Variants in KIF21B observed in about 807,000 individuals in gnomAD.
KIF21B encodes the protein kinesin-like protein KIF21B.
KIF21B carries 85 observed loss-of-function variants against 192.9 expected under a neutral mutation model. That is an observed-to-expected ratio of 0.44 (90% CI 0.37 to 0.53). The LOEUF (loss-of-function observed/expected upper bound fraction) is 0.53. KIF21B is among the 20% of genes least tolerant of loss of function. The pLI is 0.00. For missense variants in KIF21B, 1,716 were observed against 2,194.8 expected (o/e 0.78, Z 4.36); for synonymous variants, 832 against 884.6 (o/e 0.94, Z 1.05).
intron 34 of KIF21B, among the ~76,000 whole-genome samples, 193 bp downstream of exon 34, chr1:200,974,521 G>A (rs555822497): frequency 7.6e-4 from 116 of 152,072 alleles, no homozygotes; most frequent in Non-Finnish European, 1.4e-3. Flanking sequence ...CCTGCCTAGC[G>A]CAGTGCCCAG....
intron 1 of KIF21B, among the ~76,000 whole-genome samples, chr1:201,011,581 A>G (rs1364015312): frequency 6.6e-6 from 1 of 152,368 alleles, no homozygotes; most frequent in East Asian, 1.9e-4. Context: ...GAGCAACCTT[A>G]GAAGGAGGAG....
At position 200,979,819 on chromosome 1, in the gene KIF21B, A is replaced by G. The variant is rs925269989; in HGVS notation, c.3980-104T>C. ...TGCCCAGGATAGGGGAAAGGGATCC[A>G]CAGGGCTCCAGAGGACGGAGCTCCA... On this transcript the variant is annotated intron_variant, in intron 29 of 34. Transcript: ENST00000461742. 2.6e-5 allele frequency: 24 copies of G among 932,808 alleles called. No individual in the cohort carries two copies. The East Asian group carries it at 4.7e-4, about 18-fold the overall frequency. The allele number at this position is 932,808 out of a possible 1,614,324, so 57.8% of individuals were successfully genotyped here.
Position 200,996,230 on chromosome 1 carries a change from A to T in KIF21B, c.2243T>A (p.Leu748Gln), listed in dbSNP as rs1435209966. The change falls in exon 15 of 35, where the codon CTA becomes CAA. Residue 748 changes from leucine (L) to glutamine (Q), a missense_variant. Physicochemically the swap from Leu to Gln is moderately radical, Grantham distance 113. Coordinates refer to ENST00000461742, the MANE Select transcript of KIF21B (RefSeq NM_001252102.2). ...CTTCATCTCAGCCACCTCGGCCTGT[A>T]GCTTCTTCAGCTCCCTCTCGTAGCG... Reference protein sequence around the residue: ...QSRYERELKKLQAEVAEMKKA... With the variant: ...QSRYERELKKQQAEVAEMKKA... The T allele has an allele frequency of 1.9e-6, 3 of 1,613,576 alleles. No individual in the cohort carries two copies. Among genetic ancestry groups the T allele is most frequent in the Non-Finnish European group, 1.7e-6 (2 of 1,180,032 alleles).
At chr1:200,980,898 CAAAG>C in intron 29 of KIF21B, 58 bp downstream of exon 29, 1 of 1,570,718 alleles carries the variant, frequency 6.4e-7, no homozygotes, top group Non-Finnish European at 8.6e-7. Context: ...ACCACTCTGA[CAAAG>C]GAAGCAGGGG....
In KIF21B at chr1:201,000,372, G is replaced by C. The variant is rs1271569107; in HGVS notation, c.1685+18C>G. ...GCGGTCTGAGGGCTCTCAGGGGCGG[G>C]GACGACACTCCACTCACCTCTTCCT... On this transcript the variant is annotated intron_variant, in intron 11 of 34. Transcript: ENST00000461742. This position sits in a 1 kb window ranked among gnomAD's most constrained non-coding sequence, Gnocchi z 6.0. 2.6e-6 allele frequency: 4 copies of C among 1,538,852 alleles called. No individual in the cohort carries two copies. The South Asian group carries it at 5.0e-5, about 19-fold the overall frequency.
At position 200,990,284 on chromosome 1, in the gene KIF21B, C is replaced by T; in HGVS notation, c.2884G>A (p.Glu962Lys). The change falls in exon 20 of 35, where the codon GAG (glutamate) becomes AAG (lysine). Residue 962 changes from glutamate (E) to lysine (K), a missense_variant. This residue lies in a region of KIF21B where 1,087 missense variants were observed against 1,316.6 expected (regional missense o/e 0.83). Coordinates refer to ENST00000461742, the MANE Select transcript of KIF21B (RefSeq NM_001252102.2). This position sits in a 1 kb window ranked among gnomAD's most constrained non-coding sequence, Gnocchi z 5.4. ...TCGGGGCTCTCAGCCTGCAGCCGCT[C>T]CCGCTTCCTCCGCAGTGCCTCCTGC... ...LLQEALRRKR[E>K]RLQAESPEEE... The T allele has an allele frequency of 6.2e-7, 1 of 1,613,644 alleles. No individual in the cohort carries two copies. Among genetic ancestry groups the T allele is most frequent in the Non-Finnish European group, 8.5e-7 (1 of 1,179,898 alleles).
In KIF21B at chr1:201,000,758, A is replaced by G; in HGVS notation, c.1425T>C (p.Gly475=). The change falls in exon 10 of 35, where the codon GGT becomes GGC. Residue 475 remains glycine (G), a synonymous_variant. Coordinates refer to ENST00000461742, the MANE Select transcript of KIF21B (RefSeq NM_001252102.2). The surrounding 1 kb of genome is among the most constrained non-coding windows in gnomAD (Gnocchi z 6.0). The stretch of plus-strand genomic sequence containing the variant: ...CCCGGATGTAGTTCTGGATCAGCGC[A>G]CCAATGGCCTCATTGCCATCGCCTG... ...AKAGDGNEAI[G]ALIQNYIREI... 1.2e-6 allele frequency: 2 copies of G among 1,614,214 alleles called. No homozygotes were observed. The highest frequency in any genetic ancestry group is 1.7e-6 in the Non-Finnish European group (2 of 1,180,018).
At chr1:201,021,742 C>T (rs146051108) in intron 1 of KIF21B, among the ~76,000 whole-genome samples, 13 of 152,254 alleles carry the variant, frequency 8.5e-5, no homozygotes, top group African/African-American at 2.6e-4. Context: ...TAAAGGAAAC[C>T]CCCTGTGGAA....
chr1:200,978,346 G>T (rs1201119919), intron 30 of KIF21B, among the ~76,000 whole-genome samples: 1 of 152,016 alleles, frequency 6.6e-6, no homozygotes, highest in Non-Finnish European at 1.5e-5. Context: ...ACTGCGCCCA[G>T]CCTTGTTTAC....
chr1:201,013,655 G>A (rs1198300385), intron 1 of KIF21B, among the ~76,000 whole-genome samples: 1 of 152,174 alleles, frequency 6.6e-6, no homozygotes, highest in Admixed American at 6.5e-5. Flanking sequence ...ACTGCATGTG[G>A]CCTCTAGGGT....
Position 200,991,008 on chromosome 1 carries a change from C to T in KIF21B, c.2596G>A (p.Val866Ile), listed in dbSNP as rs1479866453. The part of the protein sequence containing the change: ...SSEAESGARS[V>I]SSIVRQWNRK... ...TTCCACTGGCGCACGATGCTGGAGA[C>T]AGAGCGGGCCCCTGATTCAGCCTCA... Residue 866 changes from valine (V) to isoleucine (I), a missense_variant, in exon 18 of 35, where the codon GTC becomes ATC. This residue lies in a region of KIF21B where 1,087 missense variants were observed against 1,316.6 expected (regional missense o/e 0.83). Coordinates refer to ENST00000461742, the MANE Select transcript of KIF21B (RefSeq NM_001252102.2). 3 of 1,614,078 alleles carry T rather than the reference C, an allele frequency of 1.9e-6. No individual in the cohort carries two copies. Among genetic ancestry groups the T allele is most frequent in the African/African-American group, 1.3e-5 (1 of 74,946 alleles).
At chr1:201,012,094 G>A (rs1434025428) in intron 1 of KIF21B, among the ~76,000 whole-genome samples, 1 of 152,222 alleles carries the variant, frequency 6.6e-6, no homozygotes, top group Non-Finnish European at 1.5e-5. Flanking sequence ...TCCAGGAGTT[G>A]CGTGGTCAGT....
chr1:200,990,645 C>A lies in KIF21B; in HGVS notation c.2766G>T (p.Arg922=). ...TTCTCTGCATGACGATGTCAATGAT[C>A]CGTCGCTCCAGGGACTGCCACTTGA... is the stretch of plus-strand genomic sequence containing the variant. ...ARLKWQSLER[R]IIDIVMQRMT... The change falls in exon 19 of 35, where the codon CGG becomes CGT. Residue 922 remains arginine (R), a synonymous_variant. Transcript: ENST00000461742. The surrounding 1 kb of genome is among the most constrained non-coding windows in gnomAD (Gnocchi z 5.4). 1 of 1,614,150 alleles carries A rather than the reference C, an allele frequency of 6.2e-7. No individual in the cohort carries two copies. The highest frequency in any genetic ancestry group is 8.5e-7 in the Non-Finnish European group (1 of 1,180,012).
At chr1:201,018,298 T>G (rs1658627909) in intron 1 of KIF21B, among the ~76,000 whole-genome samples, 1 of 152,196 alleles carries the variant, frequency 6.6e-6, no homozygotes, top group Non-Finnish European at 1.5e-5. Context: ...CAGGGATGGC[T>G]GCAGTGATCT....
chr1:201,009,425 C>G lies in KIF21B; in HGVS notation c.105G>C (p.Pro35=). 2 of 1,614,240 alleles carry G rather than the reference C, an allele frequency of 1.2e-6. No homozygotes were observed. Among genetic ancestry groups the G allele is most frequent in the Non-Finnish European group, 1.7e-6 (2 of 1,180,038 alleles). Residue 35 remains proline (P), a synonymous_variant, in exon 2 of 35, where the codon CCG becomes CCC. Transcript: ENST00000461742. The part of the protein sequence containing the change: ...EGCHICTSVT[P]GEPQVLLGKD... ...TCCCCAGCAGGACCTGGGGCTCTCC[C>G]GGGGTAACAGAGGTACAGATGTGAC... is the stretch of plus-strand genomic sequence containing the variant.
rs1048568962 is a variant in KIF21B at position 201,004,898 on chromosome 1, T to A, written c.768A>T (p.Thr256=). 1 of 1,610,252 alleles carries A rather than the reference T, an allele frequency of 6.2e-7. No homozygotes were observed. The highest frequency in any genetic ancestry group is 8.5e-7 in the Non-Finnish European group (1 of 1,177,080). Residue 256 remains threonine (T), a synonymous_variant, in exon 6 of 35, where the codon ACA becomes ACT. Coordinates refer to ENST00000461742, the MANE Select transcript of KIF21B (RefSeq NM_001252102.2). ...GTGTCTCATACTCACTCGAGGGAGG[T>A]GTACCATCAGGAAGCCCAGTCACCG... ...NEAVTGLPDG[T]PPSSEYETLT... is the part of the protein sequence containing the mutation.
chr1:200,977,172 G>A (rs188796398), intron 31 of KIF21B, 40 bp downstream of exon 31: 53 of 1,578,442 alleles, frequency 3.4e-5, no homozygotes, highest in African/African-American at 3.0e-4. Flanking sequence ...CCTTGCCTGG[G>A]AATGCCAAAC....
intron 1 of KIF21B, among the ~76,000 whole-genome samples, chr1:201,009,704 G>A (rs1388325190): frequency 6.6e-6 from 1 of 152,228 alleles, no homozygotes; most frequent in Non-Finnish European, 1.5e-5. Context: ...CATTTATTGA[G>A]CATTCAGTAT....
At chr1:200,977,524 C>A in intron 30 of KIF21B, 148 bp from the exon 31 acceptor site, 1 of 980,460 alleles carries the variant, frequency 1.0e-6, no homozygotes, top group South Asian at 1.7e-5. Context: ...AATAGCTTCT[C>A]CCATAAGTGA....
Sources: gnomAD v4.1 joint callset for allele counts (sites outside exome capture counted in the v4.1 genomes callset) on GRCh38, gnomAD v4.1.1 for gene constraint, gnomAD v4.1.1 regional missense constraint, Gnocchi (gnomAD v3.1) non-coding constraint, MANE v1.5 for transcripts, NCBI Gene and HGNC (gene_info 2026-07-23, HGNC 2026-07-21) for gene names.